Variants in C5orf52 observed in about 807,000 individuals in gnomAD.
The protein encoded by C5orf52 is uncharacterized protein C5orf52.
In C5orf52, 15 loss-of-function variants were observed where a neutral mutation model predicts 16.8. That is an observed-to-expected ratio of 0.89 (90% CI 0.60 to 1.38). The LOEUF (loss-of-function observed/expected upper bound fraction) is 1.38. C5orf52 is among the 40% of genes most tolerant of loss of function. The pLI is 0.00. For missense variants in C5orf52, 206 were observed against 213.1 expected (o/e 0.97, Z 0.21); for synonymous variants, 83 against 87.2 (o/e 0.95, Z 0.27).
intron 2 of C5orf52, among the ~76,000 whole-genome samples, chr5:157,679,456 C>A (rs1759967459): frequency 6.6e-6 from 1 of 152,126 alleles, no homozygotes; most frequent in Non-Finnish European, 1.5e-5. Context: ...TCTGCCTCAG[C>A]CTCCCGAGTA....
At chr5:157,671,888 T>A in intron 1 of C5orf52, 62 bp downstream of exon 1, 8 of 1,148,476 alleles carry the variant, frequency 7.0e-6, no homozygotes, top group Non-Finnish European at 9.6e-6. Context: ...ACCCTAACTC[T>A]TTGGGACTCG....
intron 2 of C5orf52, among the ~76,000 whole-genome samples, chr5:157,675,986 G>A (rs537402905): frequency 6.6e-6 from 1 of 152,094 alleles, no homozygotes; most frequent in African/African-American, 2.4e-5. Context: ...TGTGTTGGGC[G>A]CTAGGAAGAG....
chr5:157,679,934 C>T lies in C5orf52; in HGVS notation c.415C>T (p.Arg139Ter), dbSNP rs1238184978. Residue 139 changes from arginine (R) to a stop codon, truncating the protein, a stop_gained, in exon 3 of 3, where the codon CGA becomes TGA. Transcript: ENST00000409999. LOFTEE classifies it high-confidence loss of function. The part of the protein sequence containing the change: ...FMTEQLRKLG[R>*]WREESVNSNR... ...GACAGAGCAGCTCAGAAAGCTCGGG[C>T]GATGGAGAGAGGAATCCGTGAACAG... The T allele has an allele frequency of 9.7e-6, 15 of 1,551,562 alleles. No individual in the cohort carries two copies. The highest frequency in any genetic ancestry group is 1.7e-4 in the Middle Eastern group (1 of 6,012).
Position 157,677,655 on chromosome 5 carries a change from A to G in C5orf52, c.322-2186A>G, listed in dbSNP as rs796320489. 4.2e-3 allele frequency among the ~76,000 whole-genome samples: 314 copies of G among 74,208 alleles called. 1 individual carries two copies. Among genetic ancestry groups the G allele is most frequent in the African/African-American group, 0.031 (292 of 9,394 alleles). The allele number at this position is 74,208 out of a possible 152,430, so 48.7% of individuals were successfully genotyped here. On this transcript the variant is annotated intron_variant, in intron 2 of 2. Transcript: ENST00000409999. Reference sequence around the variant, plus strand: ...GGCAACAAGAGTGAAACTCCCTCTCAAAAAAAAAAAAAAAGAAAAGAAAAG... The same window carrying G: ...GGCAACAAGAGTGAAACTCCCTCTCGAAAAAAAAAAAAAAGAAAAGAAAAG...
intron 2 of C5orf52, among the ~76,000 whole-genome samples, chr5:157,675,723 C>T (rs931843844): frequency 6.6e-6 from 1 of 152,192 alleles, no homozygotes; most frequent in South Asian, 2.1e-4. Flanking sequence ...AACAAACAAA[C>T]AAAAAAACAG....
Position 157,679,911 on chromosome 5 carries a change from C to T in C5orf52, c.392C>T (p.Thr131Ile). The T allele has an allele frequency of 6.4e-7, 1 of 1,551,788 alleles. No individual in the cohort carries two copies. Among genetic ancestry groups the T allele is most frequent in the South Asian group, 1.2e-5 (1 of 84,056 alleles). ...YYEHLKKKFMTEQLRKLGRWR... is the reference protein window; with the variant it reads ...YYEHLKKKFMIEQLRKLGRWR... ...GAACACCTGAAAAAAAAGTTCATGA[C>T]AGAGCAGCTCAGAAAGCTCGGGCGA... Residue 131 changes from threonine to isoleucine, a missense_variant, in exon 3 of 3, where the codon ACA becomes ATA. By Grantham distance (89) the Thr-to-Ile change is moderately conservative. Coordinates refer to ENST00000409999, the MANE Select transcript of C5orf52 (RefSeq NM_001145132.2).
chr5:157,674,487 G>A (rs1759859497), intron 1 of C5orf52, among the ~76,000 whole-genome samples: 1 of 152,132 alleles, frequency 6.6e-6, no homozygotes, highest in Non-Finnish European at 1.5e-5. Flanking sequence ...CTTTTGGCTG[G>A]GTGGGCGTGG....
chr5:157,672,054 C>T (rs1296756830), intron 1 of C5orf52, among the ~76,000 whole-genome samples: 3 of 148,628 alleles, frequency 2.0e-5, no homozygotes, highest in Non-Finnish European at 4.5e-5. Context: ...GAATCCCCAT[C>T]TCCACTGACA....
intron 1 of C5orf52, 32 bp downstream of exon 1, chr5:157,671,858 A>C: frequency 7.2e-7 from 1 of 1,392,820 alleles, no homozygotes; most frequent in Non-Finnish European, 9.6e-7. Context: ...CGTTCGTCAG[A>C]CCCTCGGACC....
intron 1 of C5orf52, 32 bp from the exon 2 acceptor site, chr5:157,675,050 CAACCGTCTGT>C (rs1200880464): frequency 1.4e-6 from 2 of 1,379,680 alleles, no homozygotes; most frequent in Admixed American, 2.0e-5. Flanking sequence ...GCCCAGGCCC[CAACCGTCTGT>C]AACCTGTGCC....
intron 1 of C5orf52, among the ~76,000 whole-genome samples, chr5:157,673,065 C>G (rs1419663617): frequency 6.6e-6 from 1 of 151,844 alleles, no homozygotes; most frequent in Admixed American, 6.6e-5. Flanking sequence ...AGGCCAGGTG[C>G]AGTGGCTCAT....
intron 1 of C5orf52, 65 bp downstream of exon 1, chr5:157,671,891 G>A (rs1342920184): frequency 8.9e-7 from 1 of 1,121,580 alleles, no homozygotes; most frequent in Non-Finnish European, 1.2e-6. Context: ...CTAACTCTTT[G>A]GGACTCGCGC....
chr5:157,676,878 T>TC (rs200388249), intron 2 of C5orf52, among the ~76,000 whole-genome samples: 13,085 of 141,906 alleles, frequency 0.092, 716 homozygotes, highest in Middle Eastern at 0.15. Flanking sequence ...TTTCTTTTTT[T>TC]TTTTTTTTGA....
upstream of C5orf52, chr5:157,671,380 C>G (rs1458396441): frequency 5.5e-6 from 3 of 541,672 alleles, no homozygotes; most frequent in South Asian, 5.2e-5. Flanking sequence ...CGCGCCGGGT[C>G]TCACCACGGC....
chr5:157,675,438 T>A (rs1759877061), intron 2 of C5orf52, among the ~76,000 whole-genome samples: 1 of 152,116 alleles, frequency 6.6e-6, no homozygotes, highest in African/African-American at 2.4e-5. Flanking sequence ...TCTTGGGTCT[T>A]TTTTTCTGAA....
chr5:157,674,953 T>G, intron 1 of C5orf52, 139 bp from the exon 2 acceptor site: 1 of 603,066 alleles, frequency 1.7e-6, no homozygotes, highest in East Asian at 2.8e-5. Flanking sequence ...CCCCTGTTCT[T>G]TTGAAAATTA....
intron 1 of C5orf52, among the ~76,000 whole-genome samples, chr5:157,672,320 C>T (rs564185904): frequency 6.6e-6 from 1 of 152,238 alleles, no homozygotes; most frequent in East Asian, 1.9e-4. Context: ...CAATTACCCG[C>T]GCTCCTTTCC....
chr5:157,679,382 G>T (rs1227187753), intron 2 of C5orf52, among the ~76,000 whole-genome samples: 1 of 152,138 alleles, frequency 6.6e-6, no homozygotes, highest in Admixed American at 6.5e-5. Flanking sequence ...TGTTGTCCAG[G>T]CTATAGTGCT....
chr5:157,677,529 C>T (rs1398757418), intron 2 of C5orf52, among the ~76,000 whole-genome samples: 1 of 151,856 alleles, frequency 6.6e-6, no homozygotes, highest in East Asian at 1.9e-4. Context: ...TGGCACATGC[C>T]TGTAATCCCA....
Sources: gnomAD v4.1 joint callset for allele counts (sites outside exome capture counted in the v4.1 genomes callset) on GRCh38, gnomAD v4.1.1 for gene constraint, MANE v1.5 for transcripts, NCBI Gene and HGNC (gene_info 2026-07-23, HGNC 2026-07-21) for gene names.